Variants in MGAT4C observed in about 807,000 individuals in gnomAD.
MGAT4C encodes MGAT4 family member C.
In MGAT4C, 19 loss-of-function variants were observed where a neutral mutation model predicts 40.1. The ratio of observed to expected loss-of-function variants is 0.47; its 90% CI spans 0.33 to 0.70. The LOEUF is 0.70. Among genes scored for constraint, MGAT4C ranks in the 30% least tolerant of loss-of-function variants. The probability of loss-of-function intolerance (pLI) is 0.02; values close to 1 mark genes in which losing one functional copy is unlikely to be tolerated. For missense variants in MGAT4C, 491 were observed against 563.2 expected, an observed-to-expected ratio of 0.87 and a Z score of 1.30; for synonymous variants, 181 against 187.1, an observed-to-expected ratio of 0.97 and a Z score of 0.27.
At chr12:86,688,542 T>C (rs1950115814) in intron 2 of MGAT4C, among the ~76,000 whole-genome samples, 1 of 152,202 alleles carries the variant, frequency 6.6e-6, no homozygotes, top group Non-Finnish European at 1.5e-5. Context: ...CTAGGCCTGG[T>C]GGCAACAAAA....
Position 85,977,316 on chromosome 12 carries a change from T to A in MGAT4C, c.*1973A>T, listed in dbSNP as rs938980573. The A allele has an allele frequency of 4.0e-5, 6 of 151,350 alleles. No individual in the cohort carries two copies. Among genetic ancestry groups the A allele is most frequent in the Non-Finnish European group, 7.4e-5 (5 of 67,496 alleles). The allele number at this position is 151,350 out of a possible 1,614,324, so 9.4% of individuals were successfully genotyped here. ...TTATCATTGACAGTGAAGAAAATAA[T>A]GCCATTTGTAACTTCTGAGATATAC... On this transcript the variant is annotated 3_prime_UTR_variant, in exon 5 of 5. Coordinates refer to ENST00000611864, the MANE Select transcript of MGAT4C (RefSeq NM_001351288.2).
At chr12:86,477,150 T>G (rs1488728565) in intron 2 of MGAT4C, among the ~76,000 whole-genome samples, 1 of 151,972 alleles carries the variant, frequency 6.6e-6, no homozygotes, top group Non-Finnish European at 1.5e-5. Context: ...AGATCATTTA[T>G]TGGTTGTATT....
intron 2 of MGAT4C, among the ~76,000 whole-genome samples, chr12:86,508,095 A>C (rs1474036861): frequency 2.6e-5 from 4 of 152,184 alleles, no homozygotes; most frequent in African/African-American, 9.6e-5. Context: ...TTTAGGGTAC[A>C]TGTGCACAAT....
Position 85,975,552 on chromosome 12 carries a change from A to C in MGAT4C, c.*3737T>G, listed in dbSNP as rs539539344. On this transcript the variant is annotated 3_prime_UTR_variant, in exon 5 of 5. Coordinates refer to ENST00000611864, the MANE Select transcript of MGAT4C (RefSeq NM_001351288.2). ...AATGCAGAACTGGGTGTCAAAATCA[A>C]GTCTGTATGAACCTTCTGTTTTGTC... The C allele has an allele frequency of 6.6e-6, 1 of 151,032 alleles. No individual in the cohort carries two copies. The highest frequency in any genetic ancestry group is 2.4e-5 in the African/African-American group (1 of 41,448). The allele number at this position is 151,032 out of a possible 1,614,324, so 9.4% of individuals were successfully genotyped here.
intron 1 of MGAT4C, among the ~76,000 whole-genome samples, chr12:86,255,052 G>A (rs966342629): frequency 2.6e-5 from 4 of 151,970 alleles, no homozygotes; most frequent in African/African-American, 9.7e-5. Context: ...TGCAAAGGCA[G>A]AAATATTCTA....
At position 86,831,639 on chromosome 12, in the gene MGAT4C, T is replaced by C. The variant is rs535544626; in HGVS notation, c.-262+7027A>G. On this transcript the variant is annotated intron_variant, in intron 1 of 7. Coordinates refer to the MGAT4C transcript ENST00000548651. ...TGTAATGTACGTAGTTATCCAGGTG[T>C]CCAAATAAAAATAGCTAAAGAAATT... is the stretch of plus-strand genomic sequence containing the variant. 2.0e-5 allele frequency among the ~76,000 whole-genome samples: 3 copies of C among 151,920 alleles called. No individual in the cohort carries two copies. In the South Asian group the frequency reaches 6.2e-4, roughly 31 times the overall value.
chr12:86,360,000 TA>T (rs1213533440), intron 3 of MGAT4C, among the ~76,000 whole-genome samples: 1 of 152,184 alleles, frequency 6.6e-6, no homozygotes, highest in Non-Finnish European at 1.5e-5. Flanking sequence ...ATCATCCTGA[TA>T]CCAAAGCTGG....
At chr12:86,672,313 G>A (rs1372234009) in intron 2 of MGAT4C, among the ~76,000 whole-genome samples, 2 of 151,968 alleles carry the variant, frequency 1.3e-5, no homozygotes, top group African/African-American at 2.4e-5. Flanking sequence ...AGGGCTATAC[G>A]TGTCTGCAAC....
intron 2 of MGAT4C, among the ~76,000 whole-genome samples, chr12:86,043,182 G>C (rs188948190): frequency 1.3e-5 from 2 of 152,296 alleles, no homozygotes; most frequent in African/African-American, 4.8e-5. Context: ...TTCCTAGAGA[G>C]ACAGAACTAA....
chr12:86,836,137 T>C (rs544693893), intron 1 of MGAT4C, among the ~76,000 whole-genome samples: 1 of 152,178 alleles, frequency 6.6e-6, no homozygotes, highest in Admixed American at 6.6e-5. Context: ...TAAACTTAGT[T>C]TGTCTTATCA....
rs149437030 is a variant in MGAT4C at position 86,504,776 on chromosome 12, T to G, written c.-228-69511A>C. 3.3e-3 allele frequency among the ~76,000 whole-genome samples: 504 copies of G among 152,128 alleles called. 1 individual carries two copies. The highest frequency in any genetic ancestry group is 0.012 in the African/African-American group (488 of 41,490). ...ATCTCAGTTCACTGCAACCTCCGCC[T>G]CCCGGGTTCAAGCAATTCTCCTGCC... On this transcript the variant is annotated intron_variant, in intron 2 of 7. Coordinates refer to the MGAT4C transcript ENST00000548651.
chr12:86,286,498 G>A (rs1953355267), intron 4 of MGAT4C, among the ~76,000 whole-genome samples: 1 of 152,060 alleles, frequency 6.6e-6, no homozygotes, highest in South Asian at 2.1e-4. Flanking sequence ...TTTAAAACAT[G>A]GCAGTAAATG....
chr12:86,037,218 C>T lies in MGAT4C; in HGVS notation c.-7+12456G>A, dbSNP rs747104021. ...AGTCTGGCTAGCAGTCTATCGATTT[C>T]GTTGATCTTTTCAAAAATCCAGCTC... On this transcript the variant is annotated intron_variant, in intron 2 of 4. Coordinates refer to ENST00000611864, the MANE Select transcript of MGAT4C (RefSeq NM_001351288.2). 4.7e-5 allele frequency among the ~76,000 whole-genome samples: 7 copies of T among 149,368 alleles called. 1 individual carries two copies. The highest frequency in any genetic ancestry group is 7.5e-5 in the Non-Finnish European group (5 of 66,564).
intron 2 of MGAT4C, among the ~76,000 whole-genome samples, chr12:86,588,904 T>G (rs1406286016): frequency 6.7e-6 from 1 of 148,932 alleles, no homozygotes; most frequent in Non-Finnish European, 1.5e-5. Context: ...TTCAAAGCAG[T>G]GAGTAGAGGG....
At chr12:86,673,210 A>G (rs936722269) in intron 2 of MGAT4C, among the ~76,000 whole-genome samples, 4 of 152,150 alleles carry the variant, frequency 2.6e-5, no homozygotes, top group Non-Finnish European at 5.9e-5. Context: ...GAGTTTTGCT[A>G]TTTATTACTG....
intron 2 of MGAT4C, among the ~76,000 whole-genome samples, chr12:86,575,424 G>A (rs996703511): frequency 2.6e-5 from 4 of 151,650 alleles, no homozygotes; most frequent in Non-Finnish European, 1.5e-5. Context: ...GAGGTCAATT[G>A]TTTTGATTTT....
At chr12:86,779,498 AAGT>A (rs1490528029) in intron 1 of MGAT4C, among the ~76,000 whole-genome samples, 34 of 151,940 alleles carry the variant, frequency 2.2e-4, no homozygotes, top group African/African-American at 8.0e-4. Flanking sequence ...GATACTGGGG[AAGT>A]GGAGGTGAGA....
At chr12:86,282,177 C>G (rs1953234929) in intron 4 of MGAT4C, among the ~76,000 whole-genome samples, 1 of 152,124 alleles carries the variant, frequency 6.6e-6, no homozygotes, top group Non-Finnish European at 1.5e-5. Context: ...CATACAATTT[C>G]TCTTTCCACC....
chr12:86,343,264 C>T (rs985218889), intron 3 of MGAT4C, among the ~76,000 whole-genome samples: 2 of 152,136 alleles, frequency 1.3e-5, no homozygotes, highest in Non-Finnish European at 1.5e-5. Context: ...CCAGTAACTT[C>T]AGCTTTACAT....
Sources: gnomAD v4.1 joint callset for allele counts (sites outside exome capture counted in the v4.1 genomes callset) on GRCh38, gnomAD v4.1.1 for gene constraint, MANE v1.5 for transcripts, NCBI Gene and HGNC (gene_info 2026-07-23, HGNC 2026-07-21) for gene names.